Variants in NRG1 observed in about 807,000 individuals in gnomAD.
The protein encoded by NRG1 is neuregulin 1.
NRG1 carries 18 observed loss-of-function variants against 63.8 expected under a neutral mutation model. The ratio of observed to expected loss-of-function variants is 0.28; its 90% CI spans 0.19 to 0.42. The LOEUF (loss-of-function observed/expected upper bound fraction) is 0.42. Ranked by LOEUF, NRG1 falls within the 10% of genes least tolerant of loss-of-function variation. The probability of loss-of-function intolerance (pLI) is 1.00; values close to 1 mark genes in which losing one functional copy is unlikely to be tolerated. For missense variants in NRG1, 762 were observed against 814.7 expected, an observed-to-expected ratio of 0.94 and a Z score of 0.79; for synonymous variants, 302 against 301.3, an observed-to-expected ratio of 1.00 and a Z score of -0.02.
intron 1 of NRG1, among the ~76,000 whole-genome samples, chr8:32,356,685 G>A (rs1239969386): frequency 1.3e-5 from 2 of 152,148 alleles, no homozygotes; most frequent in Non-Finnish European, 2.9e-5. Context: ...AGATTGTGAT[G>A]GTATTCAGTG....
intron 1 of NRG1, among the ~76,000 whole-genome samples, chr8:32,090,345 T>C (rs1297643869): frequency 6.6e-6 from 1 of 152,158 alleles, no homozygotes; most frequent in Non-Finnish European, 1.5e-5. Flanking sequence ...AATTTTAATA[T>C]GTCTTAGGAA....
chr8:31,700,848 G>A (rs1259714529), intron 1 of NRG1, among the ~76,000 whole-genome samples: 1 of 152,126 alleles, frequency 6.6e-6, no homozygotes, highest in African/African-American at 2.4e-5. Context: ...TTGGGTGGGG[G>A]CTGAGGTCTT....
intron 1 of NRG1, among the ~76,000 whole-genome samples, chr8:32,504,362 A>G (rs1345744562): frequency 6.6e-6 from 1 of 152,228 alleles, no homozygotes; most frequent in Non-Finnish European, 1.5e-5. Context: ...TTATTTACCA[A>G]AGATTATCTT....
chr8:32,076,019 G>A (rs1826480114), intron 1 of NRG1, among the ~76,000 whole-genome samples: 2 of 152,152 alleles, frequency 1.3e-5, no homozygotes, highest in East Asian at 3.9e-4. Flanking sequence ...TCTATGATTG[G>A]TTGAATTTGT....
At chr8:32,523,491 T>C (rs1453923915) in intron 1 of NRG1, among the ~76,000 whole-genome samples, 1 of 152,244 alleles carries the variant, frequency 6.6e-6, no homozygotes, top group African/African-American at 2.4e-5. Flanking sequence ...TCTTTAGTGG[T>C]AATTTCTAGT....
At chr8:32,326,012 C>CT (rs68070632) in intron 1 of NRG1, among the ~76,000 whole-genome samples, 2,457 of 139,026 alleles carry the variant, frequency 0.018, 34 homozygotes, top group Middle Eastern at 0.038. Flanking sequence ...TCAGATGTCA[C>CT]TTTTTTTTTT....
chr8:31,759,211 G>A (rs887874036), intron 1 of NRG1, among the ~76,000 whole-genome samples: 8 of 152,024 alleles, frequency 5.3e-5, no homozygotes, highest in African/African-American at 1.9e-4. Flanking sequence ...TTTCTTAAAG[G>A]ATGTCTTTTG....
At chr8:32,078,135 T>C (rs1042594272) in intron 1 of NRG1, among the ~76,000 whole-genome samples, 2 of 152,196 alleles carry the variant, frequency 1.3e-5, no homozygotes, top group Admixed American at 6.5e-5. Context: ...CCAAATCTCA[T>C]GTTGAAATGC....
chr8:32,172,906 A>T (rs1840238447), intron 1 of NRG1, among the ~76,000 whole-genome samples: 2 of 152,246 alleles, frequency 1.3e-5, no homozygotes, highest in Non-Finnish European at 2.9e-5. Flanking sequence ...ACCAAGTTCG[A>T]AAACACTCTG....
chr8:31,702,359 G>A (rs561148135), intron 1 of NRG1, among the ~76,000 whole-genome samples: 3 of 152,158 alleles, frequency 2.0e-5, no homozygotes, highest in Admixed American at 6.5e-5. Flanking sequence ...ATTCATGCAC[G>A]TTAGCACAGC....
intron 1 of NRG1, among the ~76,000 whole-genome samples, chr8:31,749,949 T>G (rs1475896070): frequency 6.6e-6 from 1 of 151,838 alleles, no homozygotes. Flanking sequence ...ACTACATAGA[T>G]GAGTTTTCTG....
chr8:31,785,506 C>T (rs1820084835), intron 1 of NRG1, among the ~76,000 whole-genome samples: 1 of 152,050 alleles, frequency 6.6e-6, no homozygotes, highest in African/African-American at 2.4e-5. Flanking sequence ...GAATTGATTG[C>T]TTTTTTCTCA....
intron 1 of NRG1, among the ~76,000 whole-genome samples, chr8:32,472,930 G>T (rs1824033214): frequency 6.6e-6 from 1 of 152,156 alleles, no homozygotes; most frequent in Admixed American, 6.5e-5. Context: ...ATTTCTCCTG[G>T]AATTCTAATA....
chr8:31,754,689 A>G (rs1041214927), intron 1 of NRG1, among the ~76,000 whole-genome samples: 15 of 152,198 alleles, frequency 9.9e-5, no homozygotes, highest in African/African-American at 3.1e-4. Flanking sequence ...AGAGCATTCC[A>G]TCTAAGCAGC....
intron 1 of NRG1, among the ~76,000 whole-genome samples, chr8:31,791,199 C>T (rs1820669671): frequency 7.4e-6 from 1 of 135,070 alleles, no homozygotes; most frequent in African/African-American, 2.9e-5. Context: ...GAGAGTGAAA[C>T]TGTGCCAAAA....
At chr8:32,347,033 G>C (rs1052626543) in intron 1 of NRG1, among the ~76,000 whole-genome samples, 5 of 151,852 alleles carry the variant, frequency 3.3e-5, no homozygotes, top group Admixed American at 3.3e-4. Flanking sequence ...GTTTCACCAT[G>C]TTAGCCCAGA....
intron 1 of NRG1, among the ~76,000 whole-genome samples, chr8:32,488,550 C>G (rs1826171472): frequency 6.6e-6 from 1 of 152,100 alleles, no homozygotes; most frequent in Admixed American, 6.6e-5. Context: ...CCAAGGCAGG[C>G]AGATCACTTG....
intron 1 of NRG1, among the ~76,000 whole-genome samples, chr8:32,594,819 T>A (rs1843083938): frequency 6.6e-6 from 1 of 152,198 alleles, no homozygotes; most frequent in Non-Finnish European, 1.5e-5. Flanking sequence ...TTGTGAGTAG[T>A]GGTCATCTGG....
intron 6 of NRG1, among the ~76,000 whole-genome samples, chr8:32,736,859 C>T (rs559523265): frequency 2.2e-4 from 33 of 150,678 alleles, no homozygotes; most frequent in Non-Finnish European, 3.0e-4. Context: ...TCTTGGGGTC[C>T]GTGAATATCT....
Sources: allele counts gnomAD v4.1 joint callset (sites outside exome capture counted in the v4.1 genomes callset), GRCh38; gene constraint gnomAD v4.1.1; transcripts MANE v1.5; gene names NCBI Gene and HGNC (gene_info 2026-07-23, HGNC 2026-07-21).